Variants in PAM observed in about 807,000 individuals in gnomAD.
PAM encodes the protein peptidyl-glycine alpha-amidating monooxygenase.
A neutral mutation model predicts 122.1 loss-of-function variants in PAM; 72 were observed. The ratio of observed to expected loss-of-function variants is 0.59; its 90% confidence interval spans 0.49 to 0.72. PAM has a LOEUF of 0.72. PAM is among the 30% of genes least tolerant of loss of function. The pLI is 0.00. For missense variants in PAM, 1,106 were observed against 1,183.7 expected (o/e 0.93, Z 0.96); for synonymous variants, 389 against 404.4 (o/e 0.96, Z 0.46).
intron 5 of PAM, among the ~76,000 whole-genome samples, chr5:102,924,369 G>T (rs1354300957): frequency 6.7e-6 from 1 of 149,054 alleles, no homozygotes; most frequent in African/African-American, 2.5e-5. Context: ...GGAGGCGGAG[G>T]TTGCAGTGAG....
intron 22 of PAM, among the ~76,000 whole-genome samples, chr5:103,018,153 A>G (rs549684615): frequency 6.6e-6 from 1 of 152,312 alleles, no homozygotes; most frequent in African/African-American, 2.4e-5. Context: ...AATACTTTTA[A>G]AACATGGCAG....
chr5:102,980,917 C>T (rs1035475697), intron 15 of PAM, among the ~76,000 whole-genome samples: 1 of 152,128 alleles, frequency 6.6e-6, no homozygotes, highest in Non-Finnish European at 1.5e-5. Flanking sequence ...CCAGGTTGCT[C>T]ATGGTGTTAG....
At chr5:102,755,025 G>A (rs1235866583), upstream of PAM, 1 of 152,346 alleles carries the variant, frequency 6.6e-6, no homozygotes, top group Non-Finnish European at 1.5e-5. Context: ...GACTCGCCAG[G>A]GCTCCACTTC....
At chr5:102,825,568 T>G (rs1773352918) in intron 1 of PAM, among the ~76,000 whole-genome samples, 1 of 152,164 alleles carries the variant, frequency 6.6e-6, no homozygotes, top group Admixed American at 6.5e-5. Flanking sequence ...TCCAGGAGTA[T>G]GGGTTGTGTG....
chr5:102,940,320 A>G (rs924292396), intron 7 of PAM, among the ~76,000 whole-genome samples: 1 of 151,684 alleles, frequency 6.6e-6, no homozygotes, highest in African/African-American at 2.4e-5. Flanking sequence ...TATTTTATCT[A>G]GTACTTTCTT....
At chr5:102,895,716 G>T (rs1796020754) in intron 3 of PAM, among the ~76,000 whole-genome samples, 1 of 151,704 alleles carries the variant, frequency 6.6e-6, no homozygotes, top group African/African-American at 2.4e-5. Flanking sequence ...AAGCTGTATT[G>T]TCTCAGTATC....
intron 20 of PAM, among the ~76,000 whole-genome samples, chr5:103,007,931 A>T (rs777627632): frequency 6.6e-6 from 1 of 152,116 alleles, no homozygotes; most frequent in Non-Finnish European, 1.5e-5. Context: ...CTTAATTATG[A>T]TCATCTGCTC....
intron 1 of PAM, among the ~76,000 whole-genome samples, chr5:102,787,219 CAGA>C (rs1760774349): frequency 6.6e-6 from 1 of 152,036 alleles, no homozygotes; most frequent in Admixed American, 6.6e-5. Flanking sequence ...TGGGAGCTGG[CAGA>C]AGAAGAATAG....
intron 1 of PAM, among the ~76,000 whole-genome samples, chr5:102,777,362 A>G (rs1757441593): frequency 6.6e-6 from 1 of 151,986 alleles, no homozygotes; most frequent in Non-Finnish European, 1.5e-5. Flanking sequence ...AAACCTTGTT[A>G]TTATCTAACA....
intron 14 of PAM, among the ~76,000 whole-genome samples, chr5:102,966,674 T>A (rs573268410): frequency 2.7e-4 from 41 of 152,270 alleles, no homozygotes; most frequent in South Asian, 8.3e-4. Flanking sequence ...TAAAAAGAGA[T>A]GCTTTTATTT....
At chr5:102,895,412 C>T (rs546845353) in intron 3 of PAM, among the ~76,000 whole-genome samples, 1 of 151,816 alleles carries the variant, frequency 6.6e-6, no homozygotes, top group African/African-American at 2.4e-5. Flanking sequence ...GAATGTAGAA[C>T]AGTGTCTGGT....
At chr5:102,999,459 G>T (rs1254536187) in intron 16 of PAM, among the ~76,000 whole-genome samples, 1 of 152,202 alleles carries the variant, frequency 6.6e-6, no homozygotes, top group Non-Finnish European at 1.5e-5. Flanking sequence ...ACATTCCAAG[G>T]TCTGGAGAAT....
rs185324160 is a variant in PAM at position 102,846,523 on chromosome 5, A to G, written c.-373-19300A>G. Among the ~76,000 whole-genome samples the G allele has an allele frequency of 1.5e-3, 222 of 152,214 alleles. 4 individuals carry two copies. The highest frequency in any genetic ancestry group is 8.5e-4 in the Non-Finnish European group (58 of 68,010). On this transcript the variant is annotated intron_variant, in intron 1 of 25. Transcript: ENST00000438793. The stretch of plus-strand genomic sequence containing the variant: ...TAAACACCTGGTGGTTAGCTCAGAT[A>G]CAGCTTCCTCCTGGAAGCTGCCTGT...
chr5:103,028,840 A>T (rs1320257588), intron 25 of PAM, 47 bp from the exon 26 acceptor site: 1 of 1,242,420 alleles, frequency 8.0e-7, no homozygotes, highest in Non-Finnish European at 1.1e-6. Context: ...GGTAACAGAC[A>T]TTGCTGCAAA....
At chr5:102,905,114 A>G (rs1799144025) in intron 4 of PAM, among the ~76,000 whole-genome samples, 1 of 151,644 alleles carries the variant, frequency 6.6e-6, no homozygotes, top group Non-Finnish European at 1.5e-5. Flanking sequence ...TGTTGTTTTA[A>G]TAAGAAACCA....
chr5:102,983,446 C>CAAAAAAAAAAAAA lies in PAM; in HGVS notation c.1484-6822_1484-6810dup, dbSNP rs70990421. Among the ~76,000 whole-genome samples the CAAAAAAAAAAAAA allele has an allele frequency of 1.2e-3, 124 of 103,534 alleles. 1 individual carries two copies. Among genetic ancestry groups the CAAAAAAAAAAAAA allele is most frequent in the African/African-American group, 4.4e-3 (120 of 27,490 alleles). The allele number at this position is 103,534 out of a possible 152,430, so 67.9% of individuals were successfully genotyped here. A position where few individuals can be genotyped will look rare whatever the true frequency, so the allele number is the denominator to read the frequency against. On this transcript the variant is annotated intron_variant, in intron 15 of 25. Transcript: ENST00000438793. ...TCCTGGATGACAGAGTGAGACTGTC[C>CAAAAAAAAAAAAA]AAAAAAAAAAAAAAAATCCTGAGAT... is the stretch of plus-strand genomic sequence containing the variant.
In PAM at chr5:103,009,068, A is replaced by C. The variant is rs149477445; in HGVS notation, c.2216-683A>C. ...TTATGTTTTAATTCTTTGAAAATGT[A>C]GTGGTTCAATCATCTGAATTGTTTA... On this transcript the variant is annotated intron_variant, in intron 20 of 25. Transcript: ENST00000438793. 3.3e-5 allele frequency among the ~76,000 whole-genome samples: 5 copies of C among 152,256 alleles called. No homozygotes were observed. The East Asian group carries it at 9.6e-4, about 29-fold the overall frequency.
At position 102,772,310 on chromosome 5, in the gene PAM, C is replaced by T. The variant is rs1464805117; in HGVS notation, c.-374+16962C>T. Among the ~76,000 whole-genome samples the T allele has an allele frequency of 2.0e-5, 3 of 152,180 alleles. No homozygotes were observed. The East Asian group carries it at 5.8e-4, about 29-fold the overall frequency. On this transcript the variant is annotated intron_variant, in intron 1 of 25. Coordinates refer to ENST00000438793, the MANE Select transcript of PAM (RefSeq NM_001177306.2). ...ATAACCCTGCAGTGTAAACCTTCATCCCTATTTTACAGAGGAGAAAATTGA... is the reference window on the plus strand; with the variant it reads ...ATAACCCTGCAGTGTAAACCTTCATTCCTATTTTACAGAGGAGAAAATTGA...
intron 15 of PAM, 194 bp from the exon 16 acceptor site, chr5:102,990,078 C>G: frequency 2.8e-6 from 1 of 361,906 alleles, no homozygotes; most frequent in Non-Finnish European, 4.9e-6. Flanking sequence ...TGCAAGTTCC[C>G]AGTCACTTCA....
Sources: gnomAD v4.1 joint callset for allele counts (sites outside exome capture counted in the v4.1 genomes callset) on GRCh38, gnomAD v4.1.1 for gene constraint, MANE v1.5 for transcripts, NCBI Gene and HGNC (gene_info 2026-07-23, HGNC 2026-07-21) for gene names.